The following PDE1A variants were observed in gnomAD, a reference collection of about 807,000 sequenced individuals.
The protein encoded by PDE1A is dual specificity calcium/calmodulin-dependent 3',5'-cyclic nucleotide phosphodiesterase 1A.
In PDE1A, 35 loss-of-function variants were observed where a neutral mutation model predicts 61.7. The ratio of observed to expected loss-of-function variants is 0.57; its 90% CI spans 0.43 to 0.75. The LOEUF is 0.75. PDE1A is among the 30% of genes least tolerant of loss of function. PDE1A has a pLI of 0.00. For missense variants in PDE1A, 597 were observed against 630.6 expected, an observed-to-expected ratio of 0.95 and a Z score of 0.57; for synonymous variants, 232 against 213.2, an observed-to-expected ratio of 1.09 and a Z score of -0.77.
intron 1 of PDE1A, among the ~76,000 whole-genome samples, chr2:182,305,349 A>C (rs1695511150): frequency 6.6e-6 from 1 of 152,134 alleles, no homozygotes; most frequent in South Asian, 2.1e-4. Flanking sequence ...TAAAGGGCCA[A>C]ATACAGGCCT....
exon 1 of PDE1A, chr2:182,426,861 G>T: frequency 1.5e-6 from 2 of 1,324,382 alleles, no homozygotes; most frequent in Non-Finnish European, 1.9e-6. Flanking sequence ...CACAGAGCAG[G>T]GTGTGCAAAA....
At chr2:182,606,467 C>T in the PDE1A span, among the ~76,000 whole-genome samples, 1 of 152,284 alleles carries the variant, frequency 6.6e-6, no homozygotes, top group Non-Finnish European at 1.5e-5. Flanking sequence ...TGTGAGCCAC[C>T]GTGCCCAGCC....
the PDE1A span, among the ~76,000 whole-genome samples, chr2:182,627,185 A>T: frequency 2.1e-5 from 1 of 48,016 alleles, no homozygotes; most frequent in East Asian, 4.8e-4. Context: ...TATATATAAA[A>T]TATAAATATT....
At chr2:182,493,579 A>T (rs1028353243) in intron 2 of PDE1A, among the ~76,000 whole-genome samples, 1 of 152,200 alleles carries the variant, frequency 6.6e-6, no homozygotes. Context: ...TACTGGGTAT[A>T]TACCCAAAGG....
intron 2 of PDE1A, among the ~76,000 whole-genome samples, chr2:182,440,727 A>G (rs915898424): frequency 2.0e-5 from 3 of 151,990 alleles, no homozygotes; most frequent in Non-Finnish European, 4.4e-5. Context: ...TGTGTTTAAA[A>G]TATTCTTTAT....
chr2:182,624,796 GA>G, the PDE1A span, among the ~76,000 whole-genome samples: 1 of 152,146 alleles, frequency 6.6e-6, no homozygotes, highest in African/African-American at 2.4e-5. Flanking sequence ...AGACAACCAA[GA>G]ACAGTTCCAT....
At chr2:182,355,000 C>T (rs1419764587) in intron 1 of PDE1A, among the ~76,000 whole-genome samples, 17 of 152,066 alleles carry the variant, frequency 1.1e-4, no homozygotes, top group Admixed American at 1.0e-3. Context: ...CTATTATAGC[C>T]AGCATGTATT....
intron 12 of PDE1A, 126 bp from the exon 13 acceptor site, chr2:182,186,205 C>T (rs1176920574): frequency 3.1e-6 from 3 of 974,372 alleles, no homozygotes; most frequent in Non-Finnish European, 4.5e-6. Flanking sequence ...CAGTTCTGAG[C>T]ACGTGGCAGC....
the PDE1A span, among the ~76,000 whole-genome samples, chr2:182,627,133 T>C: frequency 4.5e-3 from 190 of 42,264 alleles, 14 homozygotes; most frequent in African/African-American, 0.013. Flanking sequence ...TATGTATATA[T>C]AAAATATAAA....
At chr2:182,341,606 AC>A (rs1354163108) in intron 1 of PDE1A, among the ~76,000 whole-genome samples, 3 of 151,822 alleles carry the variant, frequency 2.0e-5, no homozygotes, top group African/African-American at 7.3e-5. Flanking sequence ...CTTATCCATC[AC>A]CCCCATAAAG....
chr2:182,430,790 A>G (rs1354560329), upstream of PDE1A, among the ~76,000 whole-genome samples: 1 of 134,626 alleles, frequency 7.4e-6, no homozygotes, highest in East Asian at 2.3e-4. Context: ...AAAAATGATG[A>G]GTTCATGTCC....
At chr2:182,474,187 G>A (rs745707040) in intron 2 of PDE1A, among the ~76,000 whole-genome samples, 5 of 151,806 alleles carry the variant, frequency 3.3e-5, no homozygotes, top group Non-Finnish European at 7.4e-5. Context: ...TAAAGTGATG[G>A]GTAACCATGA....
intron 1 of PDE1A, among the ~76,000 whole-genome samples, chr2:182,333,395 G>A (rs1390542899): frequency 6.6e-6 from 1 of 152,160 alleles, no homozygotes; most frequent in African/African-American, 2.4e-5. Context: ...AGACCACAGT[G>A]CAATCAAATT....
At chr2:182,514,118 A>C (rs949988848) in intron 2 of PDE1A, among the ~76,000 whole-genome samples, 4 of 152,206 alleles carry the variant, frequency 2.6e-5, no homozygotes, top group African/African-American at 9.6e-5. Context: ...AATACTACTA[A>C]CCAGGGAAGT....
chr2:182,531,475 A>T, the PDE1A span, among the ~76,000 whole-genome samples: 1 of 152,214 alleles, frequency 6.6e-6, no homozygotes, highest in South Asian at 2.1e-4. Context: ...AATTATTAAA[A>T]GAAATAAAAA....
intron 2 of PDE1A, among the ~76,000 whole-genome samples, chr2:182,449,238 C>T (rs1485842000): frequency 1.4e-5 from 2 of 147,190 alleles, no homozygotes; most frequent in Admixed American, 6.8e-5. Context: ...AAAAAATATA[C>T]CAAAAAAAAG....
the PDE1A span, among the ~76,000 whole-genome samples, chr2:182,605,862 A>G: frequency 6.6e-6 from 1 of 152,242 alleles, no homozygotes; most frequent in Non-Finnish European, 1.5e-5. Flanking sequence ...TGGGAATTAC[A>G]TCTTAGAATC....
intron 1 of PDE1A, among the ~76,000 whole-genome samples, chr2:182,352,449 GC>G (rs1360685703): frequency 6.6e-6 from 1 of 152,094 alleles, no homozygotes; most frequent in Non-Finnish European, 1.5e-5. Flanking sequence ...TAACTTCTTG[GC>G]TTCTAAGAAG....
chr2:182,334,874 A>T (rs1337377620), intron 1 of PDE1A, among the ~76,000 whole-genome samples: 1 of 152,080 alleles, frequency 6.6e-6, no homozygotes, highest in Non-Finnish European at 1.5e-5. Flanking sequence ...TATTCAGAAA[A>T]CCCCATTGTC....
Sources: gnomAD v4.1 joint callset for allele counts (sites outside exome capture counted in the v4.1 genomes callset) on GRCh38, gnomAD v4.1.1 for gene constraint, MANE v1.5 for transcripts, NCBI Gene and HGNC (gene_info 2026-07-23, HGNC 2026-07-21) for gene names.